PXT1: variants seen among roughly 807,000 people sequenced by gnomAD.
The protein encoded by PXT1 is peroxisomal testis enriched protein 1.
PXT1 carries 11 observed loss-of-function variants against 11.0 expected under a neutral mutation model. The ratio of observed to expected loss-of-function variants is 1.00; its 90% CI spans 0.63 to 1.66. The LOEUF is 1.66. Among genes scored for constraint, PXT1 ranks in the 40% most tolerant of loss-of-function variants. PXT1 has a pLI of 0.00. For missense variants in PXT1, 141 were observed against 155.5 expected (o/e 0.91, Z 0.49); for synonymous variants, 43 against 51.4 (o/e 0.84, Z 0.70).
chr6:36,402,690 G>C (rs1774230547), intron 3 of PXT1, among the ~76,000 whole-genome samples: 1 of 152,200 alleles, frequency 6.6e-6, no homozygotes, highest in Non-Finnish European at 1.5e-5. Context: ...AAAAGCTTGG[G>C]GGTGACAGAC....
chr6:36,417,729 A>G (rs574171515), intron 3 of PXT1, among the ~76,000 whole-genome samples: 3 of 148,404 alleles, frequency 2.0e-5, no homozygotes, highest in African/African-American at 7.5e-5. Context: ...GATTGCACCA[A>G]TGCACTCCAG....
Position 36,425,897 on chromosome 6 carries a change from T to G in PXT1, c.169+17A>C, listed in dbSNP as rs1314290031. The G allele has an allele frequency of 1.0e-5, 16 of 1,525,862 alleles. No homozygotes were observed. Among genetic ancestry groups the G allele is most frequent in the Non-Finnish European group, 1.3e-5 (15 of 1,140,398 alleles). 94.5% of individuals were successfully genotyped at this position (1,525,862 alleles called of 1,614,324 possible). ...GCTAAGTAAACTATTTATCTTAGTT[T>G]AATCCAAATATCTTACCTGGGTTCC... On this transcript the variant is annotated intron_variant, in intron 3 of 4. Transcript: ENST00000454782.
chr6:36,430,348 T>G lies in PXT1; in HGVS notation c.-9-4257A>C, dbSNP rs144634306. On this transcript the variant is annotated intron_variant, in intron 2 of 4. Transcript: ENST00000454782. ...TCCACATCCTAATTCCCAGAACCTG[T>G]GAATATGTTACCCTACCAGGCAGAA... Among the ~76,000 whole-genome samples, 282 of 152,322 alleles carry G rather than the reference T, an allele frequency of 1.9e-3. 2 individuals are homozygous for G. Among genetic ancestry groups the G allele is most frequent in the African/African-American group, 6.7e-3 (278 of 41,558 alleles).
intron 2 of PXT1, among the ~76,000 whole-genome samples, chr6:36,433,166 A>C (rs531976680): frequency 3.3e-5 from 5 of 151,956 alleles, no homozygotes; most frequent in Admixed American, 3.3e-4. Flanking sequence ...TCAGGGGGGA[A>C]AAGAATCACA....
chr6:36,413,059 C>G (rs1413925343), intron 3 of PXT1, among the ~76,000 whole-genome samples: 1 of 152,094 alleles, frequency 6.6e-6, no homozygotes, highest in Non-Finnish European at 1.5e-5. Context: ...GAGGGTGAAA[C>G]AGAGGAGGAA....
Position 36,437,014 on chromosome 6 carries a change from A to G in PXT1, c.-10+1753T>C, listed in dbSNP as rs554824163. Among the ~76,000 whole-genome samples the G allele has an allele frequency of 2.0e-5, 3 of 152,270 alleles. 1 individual carries two copies. Among genetic ancestry groups the G allele is most frequent in the African/African-American group, 7.2e-5 (3 of 41,570 alleles). On this transcript the variant is annotated intron_variant, in intron 2 of 4. Transcript: ENST00000454782. ...ATATTCAAATATAGAGGCCAAGTGC[A>G]GTGGCTCATGCCTGTAATCCCAGCA...
intron 2 of PXT1, among the ~76,000 whole-genome samples, chr6:36,428,199 A>T (rs1774635515): frequency 6.6e-6 from 1 of 152,154 alleles, no homozygotes; most frequent in Non-Finnish European, 1.5e-5. Context: ...GTAATTCAGC[A>T]CTTTGAGAGG....
At chr6:36,400,327 G>T in intron 4 of PXT1, 127 bp downstream of exon 4, 1 of 1,145,080 alleles carries the variant, frequency 8.7e-7, no homozygotes, top group Non-Finnish European at 1.2e-6. Context: ...CTAACATTTG[G>T]TAATCCAGAC....
At chr6:36,392,094 G>A (rs565336548) in intron 4 of PXT1, 37 of 460,066 alleles carry the variant, frequency 8.0e-5, no homozygotes, top group African/African-American at 2.6e-4. Context: ...CTATCTGACC[G>A]TCTTTCCCAC....
chr6:36,435,615 C>A (rs1423861203), intron 2 of PXT1, among the ~76,000 whole-genome samples: 7 of 151,868 alleles, frequency 4.6e-5, no homozygotes, highest in African/African-American at 1.7e-4. Context: ...AACAAAAGAA[C>A]AAAATATGTC....
chr6:36,407,997 T>C (rs1774314172), intron 3 of PXT1, among the ~76,000 whole-genome samples: 2 of 150,598 alleles, frequency 1.3e-5, no homozygotes, highest in African/African-American at 4.9e-5. Flanking sequence ...AGTATTGCTC[T>C]GTTGCCCAGG....
chr6:36,431,198 T>C (rs1774687238), intron 2 of PXT1, among the ~76,000 whole-genome samples: 1 of 152,206 alleles, frequency 6.6e-6, no homozygotes, highest in Non-Finnish European at 1.5e-5. Context: ...AAATGGGCTC[T>C]TGTCCATAGC....
At chr6:36,436,226 T>TA (rs879505632) in intron 2 of PXT1, among the ~76,000 whole-genome samples, 5 of 149,622 alleles carry the variant, frequency 3.3e-5, no homozygotes, top group African/African-American at 7.3e-5. Flanking sequence ...GATTTTGTCC[T>TA]AAAAAAAAAG....
chr6:36,396,512 C>T (rs1439640685), intron 4 of PXT1, among the ~76,000 whole-genome samples: 5 of 152,228 alleles, frequency 3.3e-5, no homozygotes, highest in Non-Finnish European at 5.9e-5. Context: ...GGCTGAGTCC[C>T]GCATGGCGCC....
At chr6:36,435,659 A>G (rs1774752214) in intron 2 of PXT1, among the ~76,000 whole-genome samples, 7 of 152,158 alleles carry the variant, frequency 4.6e-5, no homozygotes, top group Admixed American at 4.6e-4. Context: ...AACAAATGGA[A>G]AAGACCTAAA....
rs574933064 is a variant in PXT1, at chr6:36,421,190, C to T, written c.169+4724G>A. On this transcript the variant is annotated intron_variant, in intron 3 of 4. Coordinates refer to ENST00000454782, the MANE Select transcript of PXT1 (RefSeq NM_152990.4). The stretch of plus-strand genomic sequence containing the variant: ...CAACAACGACAAAAAAAAACCAAGG[C>T]CAGGTGTGGCTGACGCCTGTAACCC... 1.2e-4 allele frequency among the ~76,000 whole-genome samples: 18 copies of T among 152,024 alleles called. No individual in the cohort carries two copies. In the South Asian group the frequency reaches 3.5e-3, roughly 30 times the overall value.
intron 3 of PXT1, 114 bp downstream of exon 3, chr6:36,425,800 C>CAAACAAACAA (rs1554154117): frequency 1.4e-5 from 3 of 215,662 alleles, no homozygotes; most frequent in African/African-American, 1.0e-4. Context: ...AAAACAAAAA[C>CAAACAAACAA]AAAAAATATA....
intron 3 of PXT1, among the ~76,000 whole-genome samples, chr6:36,407,957 CTTTTT>C (rs61251776): frequency 1.5e-5 from 2 of 136,150 alleles, no homozygotes; most frequent in African/African-American, 5.4e-5. Flanking sequence ...CTTTTTCTTT[CTTTTT>C]TTTTTTTTTT....
intron 4 of PXT1, among the ~76,000 whole-genome samples, chr6:36,392,551 C>A (rs1014373476): frequency 1.3e-5 from 2 of 152,116 alleles, no homozygotes; most frequent in African/African-American, 4.8e-5. Flanking sequence ...GTCCCAGCTA[C>A]TCAGGAGGCT....
Sources: gnomAD v4.1 joint callset for allele counts (sites outside exome capture counted in the v4.1 genomes callset) on GRCh38, gnomAD v4.1.1 for gene constraint, MANE v1.5 for transcripts, NCBI Gene and HGNC (gene_info 2026-07-23, HGNC 2026-07-21) for gene names.